Variants in KIF21A observed in about 807,000 individuals in gnomAD.
KIF21A encodes kinesin-like protein KIF21A.
Under a neutral mutation model 202.9 loss-of-function variants are expected in KIF21A, and 114 were observed. The observed-to-expected ratio is 0.56, with a 90% confidence interval of 0.48 to 0.66. KIF21A has a LOEUF of 0.66. KIF21A is among the 30% of genes least tolerant of loss of function. The pLI is 0.00. For missense variants in KIF21A, 1,677 were observed against 1,994.9 expected, an observed-to-expected ratio of 0.84 and a Z score of 3.04; for synonymous variants, 667 against 670.8, an observed-to-expected ratio of 0.99 and a Z score of 0.09.
At chr12:39,347,242 A>G (rs1308820758) in intron 11 of KIF21A, among the ~76,000 whole-genome samples, 2 of 151,676 alleles carry the variant, frequency 1.3e-5, no homozygotes, top group Non-Finnish European at 3.0e-5. Flanking sequence ...GTGGCAAAAA[A>G]AAAAGGGGGG....
At chr12:39,312,398 G>T (rs984687598) in intron 31 of KIF21A, 1 of 151,932 alleles carries the variant, frequency 6.6e-6, no homozygotes, top group Non-Finnish European at 1.5e-5. Flanking sequence ...GTTGGGAGAG[G>T]TGGGGATGTT....
intron 27 of KIF21A, among the ~76,000 whole-genome samples, chr12:39,320,467 C>A (rs1448535279): frequency 6.6e-6 from 1 of 151,984 alleles, no homozygotes; most frequent in African/African-American, 2.4e-5. Context: ...GGTAATCACA[C>A]ACACAAAAAT....
chr12:39,361,894 A>T (rs562774598), intron 7 of KIF21A, among the ~76,000 whole-genome samples: 2 of 152,320 alleles, frequency 1.3e-5, no homozygotes, highest in East Asian at 3.9e-4. Flanking sequence ...AGTTGTTGAT[A>T]CAGTTTGGAT....
intron 26 of KIF21A, among the ~76,000 whole-genome samples, chr12:39,325,263 C>T (rs1229488669): frequency 3.3e-5 from 5 of 152,020 alleles, no homozygotes; most frequent in African/African-American, 7.2e-5. Context: ...TTAAGAATCA[C>T]CCTCCATAAT....
At chr12:39,312,401 G>A (rs1944120830) in intron 31 of KIF21A, 1 of 151,828 alleles carries the variant, frequency 6.6e-6, no homozygotes, top group Admixed American at 6.6e-5. Flanking sequence ...GGGAGAGGTG[G>A]GGATGTTTAA....
At chr12:39,302,935 A>G in intron 36 of KIF21A, 30 bp downstream of exon 36, 2 of 1,597,142 alleles carry the variant, frequency 1.3e-6, no homozygotes, top group Non-Finnish European at 1.7e-6. Flanking sequence ...TGAAATGCCC[A>G]CTCTATACCA....
chr12:39,372,701 C>T (rs2139241799), intron 1 of KIF21A, among the ~76,000 whole-genome samples: 1 of 152,272 alleles, frequency 6.6e-6, no homozygotes, highest in Admixed American at 6.5e-5. Flanking sequence ...GTGGTAGTAG[C>T]AGGTTTGGCT....
intron 4 of KIF21A, among the ~76,000 whole-genome samples, chr12:39,367,488 C>T (rs764529523): frequency 6.6e-5 from 10 of 152,094 alleles, no homozygotes; most frequent in South Asian, 2.1e-4. Context: ...CTCTATATTC[C>T]GTTAAAATTA....
In KIF21A at chr12:39,330,931, T is replaced by C; in HGVS notation, c.3154-20A>G. 6.2e-7 allele frequency: 1 copy of C among 1,613,042 alleles called. No homozygotes were observed. The highest frequency in any genetic ancestry group is 1.1e-5 in the South Asian group (1 of 91,052). On this transcript the variant is annotated intron_variant, in intron 22 of 37. Transcript: ENST00000361418. The stretch of plus-strand genomic sequence containing the variant: ...AAGACCCTGAAACACAACAAAAAAT[T>C]ATCTTAGGTCATACGAAACAGGATC...
intron 17 of KIF21A, among the ~76,000 whole-genome samples, chr12:39,334,200 CA>C (rs576176350): frequency 0.2 from 12,588 of 63,690 alleles, 487 homozygotes; most frequent in African/African-American, 0.36. Context: ...GACTCCATCT[CA>C]AAAAAAAAAA....
chr12:39,426,330 CATGT>C (rs1425852072), intron 1 of KIF21A, among the ~76,000 whole-genome samples: 5 of 152,162 alleles, frequency 3.3e-5, no homozygotes, highest in Admixed American at 3.3e-4. Flanking sequence ...CATGTACACG[CATGT>C]ATGCGTGTAC....
At position 39,370,162 on chromosome 12, in the gene KIF21A, A is replaced by C. The variant is rs577195330; in HGVS notation, c.144T>G (p.Ala48=). 1 of 1,613,652 alleles carries C rather than the reference A, an allele frequency of 6.2e-7. No homozygotes were observed. Among genetic ancestry groups the C allele is most frequent in the African/African-American group, 1.3e-5 (1 of 75,018 alleles). Residue 48 remains alanine (A), a synonymous_variant, in exon 2 of 38, where the codon GCT becomes GCG. Transcript: ENST00000361418. ...EPQVFLGKDK[A]FTFDYVFDID... ...TGTCAAATACATAGTCAAAAGTAAA[A>C]GCCTTATCTTTCCCTAGGAAGACCT...
In KIF21A at chr12:39,357,341, T is replaced by G. The variant is rs1948852230; in HGVS notation, c.1312A>C (p.Arg438=). 1 of 1,613,880 alleles carries G rather than the reference T, an allele frequency of 6.2e-7. No homozygotes were observed. The highest frequency in any genetic ancestry group is 8.5e-7 in the Non-Finnish European group (1 of 1,179,808). Residue 438 remains arginine, a synonymous_variant, in exon 9 of 38, where the codon AGA becomes CGA. Transcript: ENST00000361418. ...LQTENNNLRV[R]IKAMQETVDA... is the part of the protein sequence containing the mutation. ...ACCGTCTCTTGCATGGCTTTAATTC[T>G]TACACGCAGGTTATTATTTTCAGTC...
intron 12 of KIF21A, 142 bp from the exon 13 acceptor site, chr12:39,342,266 A>C (rs990865419): frequency 3.7e-5 from 25 of 674,372 alleles, no homozygotes; most frequent in Non-Finnish European, 5.3e-5. Flanking sequence ...AAGCTATTCT[A>C]TCTGATGCTT....
At chr12:39,383,982 A>G (rs1950782674) in intron 1 of KIF21A, among the ~76,000 whole-genome samples, 1 of 152,136 alleles carries the variant, frequency 6.6e-6, no homozygotes, top group Non-Finnish European at 1.5e-5. Context: ...CATTTCTAAT[A>G]CATTTCAGGT....
rs148166854 is a variant in KIF21A, at chr12:39,333,060, A to T, written c.2535T>A (p.Ala845=). The stretch of plus-strand genomic sequence containing the variant: ...AACTCAGCTTCCGAGTAACTTTCCC[A>T]GCCACTTTATCTGACATGGGTCTTA... ...RQVRPMSDKV[A]GKVTRKLSSS... is the part of the protein sequence containing the mutation. Residue 845 remains alanine, a synonymous_variant, in exon 19 of 38, where the codon GCT becomes GCA. Coordinates refer to ENST00000361418, the MANE Select transcript of KIF21A (RefSeq NM_001173464.2). 3.7e-6 allele frequency: 6 copies of T among 1,614,064 alleles called. No homozygotes were observed. The highest frequency in any genetic ancestry group is 5.1e-6 in the Non-Finnish European group (6 of 1,180,016).
Position 39,402,840 on chromosome 12 carries a change from G to A in KIF21A, c.45-32579C>T, listed in dbSNP as rs61937876. Among the ~76,000 whole-genome samples the A allele has an allele frequency of 2.3e-3, 349 of 151,866 alleles. 2 individuals are homozygous for A. The highest frequency in any genetic ancestry group is 5.6e-3 in the South Asian group (27 of 4,800). On this transcript the variant is annotated intron_variant, in intron 1 of 37. Coordinates refer to ENST00000361418, the MANE Select transcript of KIF21A (RefSeq NM_001173464.2). The stretch of plus-strand genomic sequence containing the variant: ...TTCTTCTTCTTCCAATGTGACCCAG[G>A]GAAGCCAAAAGACTGGACACCCTTG...
intron 4 of KIF21A, among the ~76,000 whole-genome samples, chr12:39,367,451 G>C (rs573546996): frequency 6.6e-6 from 1 of 152,260 alleles, no homozygotes; most frequent in Non-Finnish European, 1.5e-5. Flanking sequence ...TACAAACTGA[G>C]CAATAACTTG....
At chr12:39,309,509 C>A in intron 33 of KIF21A, 77 bp downstream of exon 33, 1 of 1,067,520 alleles carries the variant, frequency 9.4e-7, no homozygotes, top group Non-Finnish European at 1.4e-6. Flanking sequence ...ATAGTCCTCT[C>A]TTTTCTTATA....
Sources: gnomAD v4.1 joint callset for allele counts (sites outside exome capture counted in the v4.1 genomes callset) on GRCh38, gnomAD v4.1.1 for gene constraint, MANE v1.5 for transcripts, NCBI Gene and HGNC (gene_info 2026-07-23, HGNC 2026-07-21) for gene names.